Variants in IL4R observed in about 807,000 individuals in gnomAD.
IL4R encodes the protein interleukin-4 receptor subunit alpha.
A neutral mutation model predicts 41.5 loss-of-function variants in IL4R; 17 were observed. That is an observed-to-expected ratio of 0.41 (90% CI 0.28 to 0.61). The LOEUF (loss-of-function observed/expected upper bound fraction) is 0.61. Among genes scored for constraint, IL4R ranks in the 20% least tolerant of loss-of-function variants. The pLI is 0.31. For synonymous variants in IL4R, 402 were observed against 422.9 expected, an observed-to-expected ratio of 0.95 and a Z score of 0.61; for missense variants, 974 against 1,043.1, an observed-to-expected ratio of 0.93 and a Z score of 0.91.
chr16:27,330,579 C>G (rs1263656304), intron 2 of IL4R, among the ~76,000 whole-genome samples: 1 of 151,968 alleles, frequency 6.6e-6, no homozygotes, highest in Non-Finnish European at 1.5e-5. Flanking sequence ...TTTGCGTACG[C>G]ATGTGTGGTT....
intron 4 of IL4R, among the ~76,000 whole-genome samples, chr16:27,343,408 G>A (rs1567320416): frequency 7.0e-6 from 1 of 143,508 alleles, no homozygotes; most frequent in East Asian, 2.2e-4. Context: ...CCTCCTTTAT[G>A]TTTTTTGTTT....
intron 4 of IL4R, 96 bp downstream of exon 4, chr16:27,342,355 A>AAACCATACTCAGCATCCTGCAC: frequency 6.9e-7 from 1 of 1,443,948 alleles, no homozygotes; most frequent in Non-Finnish European, 9.6e-7. Context: ...GGAGTGCAGG[A>AAACCATACTCAGCATCCTGCAC]TGCTGAGTAT....
chr16:27,348,228 G>T (rs1397108209), intron 6 of IL4R, among the ~76,000 whole-genome samples: 1 of 152,174 alleles, frequency 6.6e-6, no homozygotes, highest in Non-Finnish European at 1.5e-5. Flanking sequence ...GGGGCAGTTG[G>T]CTCACACAGC....
At chr16:27,329,676 C>CAAA (rs11327523) in intron 1 of IL4R, among the ~76,000 whole-genome samples, 2 of 118,142 alleles carry the variant, frequency 1.7e-5, no homozygotes, top group African/African-American at 3.1e-5. Context: ...ACCTCCGTCT[C>CAAA]AAAAAAAAAA....
Position 27,356,535 on chromosome 16 carries a change from C to T in IL4R, c.770+628C>T, listed in dbSNP as rs549846188. Among the ~76,000 whole-genome samples, 6 of 152,220 alleles carry T rather than the reference C, an allele frequency of 3.9e-5. No individual in the cohort carries two copies. The South Asian group carries it at 1.2e-3, about 32-fold the overall frequency. ...CAGAGATCTTCTGGGGTGCTTTTTGCAAGGGGGACCAGGATAAGGCTCTCC... is the reference window on the plus strand; with the variant it reads ...CAGAGATCTTCTGGGGTGCTTTTTGTAAGGGGGACCAGGATAAGGCTCTCC... On this transcript the variant is annotated intron_variant, in intron 8 of 10. Transcript: ENST00000395762.
At chr16:27,329,346 GA>G (rs905677650) in intron 1 of IL4R, among the ~76,000 whole-genome samples, 7 of 152,044 alleles carry the variant, frequency 4.6e-5, no homozygotes, top group Admixed American at 4.6e-4. Flanking sequence ...TGCAAAAATG[GA>G]CTAACACACT....
intron 1 of IL4R, among the ~76,000 whole-genome samples, chr16:27,324,653 TC>T (rs2084904550): frequency 6.6e-6 from 1 of 152,210 alleles, no homozygotes; most frequent in Non-Finnish European, 1.5e-5. Flanking sequence ...TGGCTGCTGT[TC>T]CTGGGTAGGT....
At chr16:27,346,366 C>G in intron 5 of IL4R, 101 bp from the exon 6 acceptor site, 1 of 1,221,930 alleles carries the variant, frequency 8.2e-7, no homozygotes, top group Non-Finnish European at 1.2e-6. Flanking sequence ...GTTTTGTCGA[C>G]CAAAAATCTG....
intron 2 of IL4R, among the ~76,000 whole-genome samples, chr16:27,331,898 A>G (rs2085120314): frequency 6.6e-6 from 1 of 152,074 alleles, no homozygotes; most frequent in South Asian, 2.1e-4. Context: ...TTGCCTACAC[A>G]TTAAGGATTG....
rs2141229956 is a variant in IL4R, at chr16:27,363,507, C to T, written c.2155C>T (p.His719Tyr). 1 of 1,614,146 alleles carries T rather than the reference C, an allele frequency of 6.2e-7. No individual in the cohort carries two copies. The highest frequency in any genetic ancestry group is 8.5e-7 in the Non-Finnish European group (1 of 1,180,012). ...CATTGTCTACTCAGCCCTTACCTGC[C>T]ACCTGTGCGGCCACCTGAAACAGTG... ...SGIVYSALTC[H>Y]LCGHLKQCHG... Residue 719 changes from histidine (H) to tyrosine (Y), a missense_variant, in exon 11 of 11, where the codon CAC becomes TAC. Coordinates refer to ENST00000395762, the MANE Select transcript of IL4R (RefSeq NM_000418.4).
intron 1 of IL4R, among the ~76,000 whole-genome samples, chr16:27,319,236 G>C (rs993336111): frequency 3.3e-4 from 51 of 152,254 alleles, no homozygotes; most frequent in African/African-American, 1.2e-3. Flanking sequence ...GCAGAGGTCA[G>C]GGAGGGAGCT....
chr16:27,316,906 C>CTT (rs34508839), intron 1 of IL4R, among the ~76,000 whole-genome samples: 83,232 of 145,668 alleles, frequency 0.57, 23,703 homozygotes, highest in Non-Finnish European at 0.6. Context: ...AAATGAATAC[C>CTT]TTTTTTTTTT....
At position 27,325,181 on chromosome 16, in the gene IL4R, C is replaced by A. The variant is rs1000449115; in HGVS notation, c.-151-4885C>A. Among the ~76,000 whole-genome samples, 23 of 150,982 alleles carry A rather than the reference C, an allele frequency of 1.5e-4. 1 individual carries two copies. Among genetic ancestry groups the A allele is most frequent in the African/African-American group, 5.6e-4 (23 of 41,380 alleles). ...CTCCCCCTTGCTCCAGCCAAGGGCC[C>A]CGCTTGTAGGGTGGGAAGTGGGCCG... On this transcript the variant is annotated intron_variant, in intron 1 of 10. Transcript: ENST00000395762.
At chr16:27,343,016 G>A (rs1346201002) in intron 4 of IL4R, among the ~76,000 whole-genome samples, 1 of 152,210 alleles carries the variant, frequency 6.6e-6, no homozygotes, top group Non-Finnish European at 1.5e-5. Context: ...CCTTGATTGA[G>A]GAGTACGGTG....
At chr16:27,331,505 CTG>C (rs1452916783) in intron 2 of IL4R, among the ~76,000 whole-genome samples, 1 of 152,120 alleles carries the variant, frequency 6.6e-6, no homozygotes, top group Non-Finnish European at 1.5e-5. Flanking sequence ...GTGGTAAACT[CTG>C]TGTGTTTAAG....
chr16:27,334,934 C>T (rs368205034), intron 2 of IL4R, among the ~76,000 whole-genome samples: 3 of 152,100 alleles, frequency 2.0e-5, no homozygotes, highest in Non-Finnish European at 4.4e-5. Flanking sequence ...GTTGTAGATA[C>T]TGGGGACTCG....
chr16:27,343,588 G>A (rs937242634), intron 4 of IL4R, among the ~76,000 whole-genome samples: 3 of 151,980 alleles, frequency 2.0e-5, no homozygotes, highest in Non-Finnish European at 4.4e-5. Context: ...CACCACACCC[G>A]GCTAATTTTT....
At chr16:27,357,716 G>A (rs1344531365) in intron 8 of IL4R, among the ~76,000 whole-genome samples, 5 of 152,016 alleles carry the variant, frequency 3.3e-5, no homozygotes, top group Non-Finnish European at 7.4e-5. Flanking sequence ...CACCCACCTC[G>A]TTCTCCCAAG....
chr16:27,352,762 T>G (rs1314577945), intron 7 of IL4R, 66 bp downstream of exon 7: 8 of 1,507,580 alleles, frequency 5.3e-6, no homozygotes, highest in Non-Finnish European at 7.3e-6. Flanking sequence ...GGCCAGACAC[T>G]TCCCCTGGCT....
Sources: allele counts gnomAD v4.1 joint callset (sites outside exome capture counted in the v4.1 genomes callset), GRCh38; gene constraint gnomAD v4.1.1; transcripts MANE v1.5; gene names NCBI Gene and HGNC (gene_info 2026-07-23, HGNC 2026-07-21).